FHDC1: variants seen among roughly 807,000 people sequenced by gnomAD.
FHDC1 encodes the protein FH2 domain-containing protein 1.
FHDC1 carries 25 observed loss-of-function variants against 52.6 expected under a neutral mutation model. The observed-to-expected ratio is 0.48, with a 90% confidence interval of 0.35 to 0.66. The LOEUF is 0.66. Ranked by LOEUF, FHDC1 falls within the 30% of genes least tolerant of loss-of-function variation. The pLI is 0.01. For synonymous variants in FHDC1, 616 were observed against 581.5 expected, an observed-to-expected ratio of 1.06 and a Z score of -0.85; for missense variants, 1,459 against 1,452.8, an observed-to-expected ratio of 1.00 and a Z score of -0.07.
At position 152,976,033 on chromosome 4, in the gene FHDC1, C is replaced by T. The variant is rs1334241756; in HGVS notation, c.2742C>T (p.Gly914=). ...KVMPITKSSR[G]AGWRRPELSS... is the part of the protein sequence containing the mutation. ...TGCCCATCACCAAGTCCAGCAGAGG[C>T]GCCGGCTGGAGGCGACCAGAGCTGT... The change falls in exon 12 of 12, where the codon GGC becomes GGT. Residue 914 remains glycine, a synonymous_variant. Transcript: ENST00000511601. The T allele has an allele frequency of 3.2e-6, 5 of 1,563,802 alleles. 1 individual carries two copies. The highest frequency in any genetic ancestry group is 4.3e-6 in the Non-Finnish European group (5 of 1,159,528).
chr4:152,936,166 T>A (rs1001250408), upstream of FHDC1, among the ~76,000 whole-genome samples: 12 of 150,908 alleles, frequency 8.0e-5, no homozygotes, highest in African/African-American at 2.9e-4. Context: ...GTGGCGCGCG[T>A]AGGGTGGAAG....
Sources: gnomAD v4.1 joint callset for allele counts (sites outside exome capture counted in the v4.1 genomes callset) on GRCh38, gnomAD v4.1.1 for gene constraint, MANE v1.5 for transcripts, NCBI Gene and HGNC (gene_info 2026-07-23, HGNC 2026-07-21) for gene names.